DCC: variants seen among roughly 807,000 people sequenced by gnomAD.
DCC encodes DCC netrin 1 receptor.
In DCC, 58 loss-of-function variants were observed where a neutral mutation model predicts 172.5. That is an observed-to-expected ratio of 0.34 (90% confidence interval 0.27 to 0.42). The LOEUF (loss-of-function observed/expected upper bound fraction) is 0.42, where lower values mean the gene tolerates loss of function less well. Ranked by LOEUF, DCC falls within the 10% of genes least tolerant of loss-of-function variation. The pLI is 1.00. For synonymous variants in DCC, 709 were observed against 644.5 expected, an observed-to-expected ratio of 1.10 and a Z score of -1.52; for missense variants, 1,740 against 1,791.0, an observed-to-expected ratio of 0.97 and a Z score of 0.51.
At chr18:53,072,151 T>C (rs1877983389) in intron 7 of DCC, among the ~76,000 whole-genome samples, 1 of 151,848 alleles carries the variant, frequency 6.6e-6, no homozygotes, top group African/African-American at 2.4e-5. Context: ...AAAGAGTCAA[T>C]GTGTTCTGTG....
chr18:53,529,552 T>C (rs2046502708), intron 28 of DCC, among the ~76,000 whole-genome samples: 1 of 152,198 alleles, frequency 6.6e-6, no homozygotes, highest in African/African-American at 2.4e-5. Flanking sequence ...CCCTGACTTG[T>C]TGAATCCTCC....
chr18:53,210,068 C>A (rs1040951818), intron 11 of DCC, among the ~76,000 whole-genome samples: 6 of 152,182 alleles, frequency 3.9e-5, no homozygotes, highest in Non-Finnish European at 7.3e-5. Flanking sequence ...ACTTTATAAG[C>A]TTCTTAGAGT....
intron 1 of DCC, among the ~76,000 whole-genome samples, chr18:52,517,446 C>G (rs2031678296): frequency 6.6e-6 from 1 of 152,092 alleles, no homozygotes; most frequent in African/African-American, 2.4e-5. Context: ...ATGCTACAGG[C>G]CTTCTGTATC....
chr18:52,937,572 T>A (rs1308469680), intron 5 of DCC, among the ~76,000 whole-genome samples: 1 of 152,140 alleles, frequency 6.6e-6, no homozygotes, highest in East Asian at 1.9e-4. Flanking sequence ...TGCAGTGGCG[T>A]GATCTCTGCT....
chr18:53,150,695 C>T (rs1356639323), intron 7 of DCC, among the ~76,000 whole-genome samples: 1 of 152,162 alleles, frequency 6.6e-6, no homozygotes, highest in Non-Finnish European at 1.5e-5. Flanking sequence ...CACGTCAGGG[C>T]AGCAAAGCAA....
intron 1 of DCC, among the ~76,000 whole-genome samples, chr18:52,517,634 A>T (rs978349759): frequency 5.3e-5 from 8 of 152,224 alleles, no homozygotes; most frequent in African/African-American, 1.2e-4. Flanking sequence ...GGAAAAGTGC[A>T]TATGTCATAA....
intron 1 of DCC, among the ~76,000 whole-genome samples, chr18:52,616,599 A>G (rs1157206881): frequency 6.6e-6 from 1 of 152,154 alleles, no homozygotes; most frequent in Non-Finnish European, 1.5e-5. Context: ...CCAAGTATCA[A>G]TGAACAAGTA....
chr18:53,210,504 A>C (rs183083951), intron 11 of DCC, among the ~76,000 whole-genome samples: 29 of 152,312 alleles, frequency 1.9e-4, no homozygotes, highest in African/African-American at 6.7e-4. Context: ...GGATGCTGTT[A>C]TATTCACCTC....
chr18:52,474,244 A>AGAGAGAGAGAGAGAG (rs1568186675), intron 1 of DCC, among the ~76,000 whole-genome samples: 4 of 32,144 alleles, frequency 1.2e-4, no homozygotes, highest in African/African-American at 3.5e-4. Context: ...GAGAGAGAGA[A>AGAGAGAGAGAGAGAG]AGAGAGAGAA....
At chr18:52,998,987 A>T (rs1281404891) in intron 5 of DCC, among the ~76,000 whole-genome samples, 1 of 152,058 alleles carries the variant, frequency 6.6e-6, no homozygotes, top group African/African-American at 2.4e-5. Flanking sequence ...AGTGTGGACA[A>T]ATCACACTAA....
Position 53,393,325 on chromosome 18 carries a change from A to G in DCC, c.2688+1438A>G, listed in dbSNP as rs191440217. ...TCAGATTTTAGTTGAAACCATTTAA[A>G]GACAGTTTTCTTTGGTACTGCTGCC... On this transcript the variant is annotated intron_variant, in intron 17 of 28. Transcript: ENST00000442544. 1.5e-4 allele frequency among the ~76,000 whole-genome samples: 23 copies of G among 152,310 alleles called. No individual in the cohort carries two copies. In the East Asian group the frequency reaches 3.9e-3, roughly 26 times the overall value.
intron 25 of DCC, among the ~76,000 whole-genome samples, chr18:53,480,171 A>T (rs2045815203): frequency 6.6e-6 from 1 of 152,204 alleles, no homozygotes; most frequent in South Asian, 2.1e-4. Context: ...AAAGGTCCAG[A>T]TAGAGGAGTA....
At chr18:52,677,679 G>T (rs1179235980) in intron 1 of DCC, among the ~76,000 whole-genome samples, 1 of 152,016 alleles carries the variant, frequency 6.6e-6, no homozygotes, top group African/African-American at 2.4e-5. Context: ...ATCTATGACA[G>T]ATTTTCCTTT....
intron 27 of DCC, among the ~76,000 whole-genome samples, chr18:53,502,813 C>T (rs1292889053): frequency 6.6e-6 from 1 of 151,958 alleles, no homozygotes; most frequent in African/African-American, 2.4e-5. Context: ...AGCTCTTTCC[C>T]CACTCAAATT....
intron 7 of DCC, among the ~76,000 whole-genome samples, chr18:53,087,701 G>A (rs1016999286): frequency 1.3e-5 from 2 of 151,800 alleles, no homozygotes; most frequent in African/African-American, 2.4e-5. Flanking sequence ...GAATGGTAAT[G>A]CCTAGGTTTT....
chr18:52,966,775 C>G (rs1000002772), intron 5 of DCC, among the ~76,000 whole-genome samples: 35 of 152,208 alleles, frequency 2.3e-4, no homozygotes, highest in Admixed American at 2.0e-3. Flanking sequence ...ATGACTTTCT[C>G]TGTTTCAAAT....
chr18:52,353,657 A>G (rs1191349701), intron 1 of DCC, among the ~76,000 whole-genome samples: 1 of 152,196 alleles, frequency 6.6e-6, no homozygotes, highest in Admixed American at 6.5e-5. Flanking sequence ...AGCTCAGTGC[A>G]GGGTTTTGAA....
chr18:53,104,898 T>A (rs1029429252), intron 7 of DCC, among the ~76,000 whole-genome samples: 1 of 152,050 alleles, frequency 6.6e-6, no homozygotes, highest in African/African-American at 2.4e-5. Flanking sequence ...AGAGGTTCTA[T>A]GCAAATTCAA....
At chr18:52,526,803 C>T (rs570205549) in intron 1 of DCC, among the ~76,000 whole-genome samples, 19 of 152,110 alleles carry the variant, frequency 1.2e-4, no homozygotes, top group Non-Finnish European at 2.4e-4. Context: ...GTTACACACA[C>T]ACATGGTCAG....
Sources: gnomAD v4.1 joint callset for allele counts (sites outside exome capture counted in the v4.1 genomes callset) on GRCh38, gnomAD v4.1.1 for gene constraint, MANE v1.5 for transcripts, NCBI Gene and HGNC (gene_info 2026-07-23, HGNC 2026-07-21) for gene names.